The following PPARGC1A variants were observed in gnomAD, a reference collection of about 807,000 sequenced individuals.
The protein encoded by PPARGC1A is PPARG coactivator 1 alpha.
In PPARGC1A, 25 loss-of-function variants were observed where a neutral mutation model predicts 88.7. That is an observed-to-expected ratio of 0.28 (90% CI 0.21 to 0.39). The LOEUF is 0.39. Ranked by LOEUF, PPARGC1A falls within the 10% of genes least tolerant of loss-of-function variation. The pLI is 1.00. For synonymous variants in PPARGC1A, 363 were observed against 355.6 expected (o/e 1.02, Z -0.24); for missense variants, 880 against 968.7 (o/e 0.91, Z 1.22).
At chr4:24,172,830 T>A in the PPARGC1A span, among the ~76,000 whole-genome samples, 2 of 152,204 alleles carry the variant, frequency 1.3e-5, no homozygotes, top group African/African-American at 4.8e-5. Flanking sequence ...TACACCGCCG[T>A]GTTTCCTTTA....
At chr4:24,434,730 G>A in the PPARGC1A span, among the ~76,000 whole-genome samples, 2 of 152,130 alleles carry the variant, frequency 1.3e-5, no homozygotes, top group Non-Finnish European at 2.9e-5. Flanking sequence ...ATTGCCCCTC[G>A]ATGCATTGTT....
chr4:24,007,402 A>G, the PPARGC1A span, among the ~76,000 whole-genome samples: 1 of 152,210 alleles, frequency 6.6e-6, no homozygotes, highest in Non-Finnish European at 1.5e-5. Context: ...TACTAGAGAT[A>G]GAAATATATT....
chr4:24,300,324 ATTTTTTTTTTTTTTTTTTTTT>A, the PPARGC1A span, among the ~76,000 whole-genome samples: 17 of 45,026 alleles, frequency 3.8e-4, no homozygotes, highest in African/African-American at 1.1e-3. Context: ...ATACAATAGC[ATTTTTTTTTTTTTTTTTTTTT>A]TTTTTTTTTT....
chr4:24,259,008 C>T, the PPARGC1A span, among the ~76,000 whole-genome samples: 1 of 152,180 alleles, frequency 6.6e-6, no homozygotes, highest in East Asian at 1.9e-4. Context: ...AATTTTATTA[C>T]TATGACAACC....
At chr4:23,808,661 GAA>G (rs558030919) in intron 10 of PPARGC1A, among the ~76,000 whole-genome samples, 1 of 152,134 alleles carries the variant, frequency 6.6e-6, no homozygotes, top group Non-Finnish European at 1.5e-5. Flanking sequence ...TGCTTTTTGA[GAA>G]AGAGTCAGGA....
chr4:24,266,543 G>A, the PPARGC1A span, among the ~76,000 whole-genome samples: 1 of 152,084 alleles, frequency 6.6e-6, no homozygotes, highest in Admixed American at 6.6e-5. Flanking sequence ...TTATCCCAGA[G>A]GAGGGTAAGT....
At chr4:24,233,713 G>A in the PPARGC1A span, among the ~76,000 whole-genome samples, 1 of 151,950 alleles carries the variant, frequency 6.6e-6, no homozygotes, top group Non-Finnish European at 1.5e-5. Context: ...CTCACTGTCA[G>A]TGAGATTTTC....
the PPARGC1A span, among the ~76,000 whole-genome samples, chr4:24,437,630 GTTGTTGT>G: frequency 7.1e-6 from 1 of 141,182 alleles, no homozygotes. Context: ...TGTTGTTGTT[GTTGTTGT>G]TTTAGTTTTG....
the PPARGC1A span, among the ~76,000 whole-genome samples, chr4:24,060,818 G>A: frequency 1.3e-5 from 2 of 152,128 alleles, no homozygotes; most frequent in Admixed American, 6.5e-5. Flanking sequence ...AGTAAAAATA[G>A]CCTTTAATGA....
chr4:24,097,370 G>A, the PPARGC1A span, among the ~76,000 whole-genome samples: 1 of 152,056 alleles, frequency 6.6e-6, no homozygotes, highest in Non-Finnish European at 1.5e-5. Flanking sequence ...CCTACCCATG[G>A]GATTTTGTAC....
the PPARGC1A span, among the ~76,000 whole-genome samples, chr4:24,448,230 G>C: frequency 1.3e-5 from 2 of 152,192 alleles, no homozygotes; most frequent in Non-Finnish European, 2.9e-5. Flanking sequence ...TTTAACGTTT[G>C]AGGAGCCCAC....
At chr4:24,062,035 T>C in the PPARGC1A span, among the ~76,000 whole-genome samples, 1 of 152,160 alleles carries the variant, frequency 6.6e-6, no homozygotes, top group Non-Finnish European at 1.5e-5. Context: ...CAAGCAAACA[T>C]ACCATGCCAC....
At chr4:24,295,044 C>A in the PPARGC1A span, among the ~76,000 whole-genome samples, 1 of 152,192 alleles carries the variant, frequency 6.6e-6, no homozygotes. Flanking sequence ...CATCAATCCC[C>A]GCTTTCAACC....
At chr4:24,280,510 G>A in the PPARGC1A span, among the ~76,000 whole-genome samples, 1 of 152,120 alleles carries the variant, frequency 6.6e-6, no homozygotes, top group African/African-American at 2.4e-5. Flanking sequence ...AAGGAAGGAA[G>A]GGAGGGAGGA....
the PPARGC1A span, among the ~76,000 whole-genome samples, chr4:24,010,638 A>G: frequency 6.6e-6 from 1 of 152,216 alleles, no homozygotes; most frequent in African/African-American, 2.4e-5. Context: ...CATTTAACGT[A>G]TATTTACTTT....
At chr4:24,202,178 G>A in the PPARGC1A span, among the ~76,000 whole-genome samples, 1 of 152,062 alleles carries the variant, frequency 6.6e-6, no homozygotes, top group Non-Finnish European at 1.5e-5. Context: ...AAGGCTGGCC[G>A]ATATCATCAC....
chr4:23,982,898 C>G, the PPARGC1A span, among the ~76,000 whole-genome samples: 2 of 152,140 alleles, frequency 1.3e-5, no homozygotes, highest in East Asian at 3.9e-4. Flanking sequence ...TGGCAAACTA[C>G]AGCCCATGGG....
At chr4:24,118,672 A>G in the PPARGC1A span, among the ~76,000 whole-genome samples, 1 of 152,174 alleles carries the variant, frequency 6.6e-6, no homozygotes, top group African/African-American at 2.4e-5. Context: ...CACCATATAT[A>G]TTTTTAAAAT....
Position 23,889,932 on chromosome 4 carries a change from T to C in PPARGC1A, c.26A>G (p.Asp9Gly). ...GATGTCACTCCATACAGACTCAGAGTCCTGGTTGCACATGTCCCACGCCAT... is the reference window on the plus strand; with the variant it reads ...GATGTCACTCCATACAGACTCAGAGCCCTGGTTGCACATGTCCCACGCCAT... MAWDMCNQ[D>G]SESVWSDIEC... The change falls in exon 1 of 13, where the codon GAC becomes GGC. Residue 9 changes from aspartate to glycine, a missense_variant. Coordinates refer to ENST00000264867, the MANE Select transcript of PPARGC1A (RefSeq NM_013261.5). 2 of 1,613,636 alleles carry C rather than the reference T, an allele frequency of 1.2e-6. No homozygotes were observed. Among genetic ancestry groups the C allele is most frequent in the South Asian group, 1.1e-5 (1 of 91,068 alleles).
Sources: gnomAD v4.1 joint callset for allele counts (sites outside exome capture counted in the v4.1 genomes callset) on GRCh38, gnomAD v4.1.1 for gene constraint, MANE v1.5 for transcripts, NCBI Gene and HGNC (gene_info 2026-07-23, HGNC 2026-07-21) for gene names.